Variants in IKZF2 observed in about 807,000 individuals in gnomAD.
The protein encoded by IKZF2 is zinc finger protein Helios.
Under a neutral mutation model 49.2 loss-of-function variants are expected in IKZF2, and 15 were observed. The observed-to-expected ratio is 0.30, with a 90% CI of 0.20 to 0.47. The LOEUF (loss-of-function observed/expected upper bound fraction) is 0.47, where lower values mean the gene tolerates loss of function less well. Among genes scored for constraint, IKZF2 ranks in the 20% least tolerant of loss-of-function variants. The pLI is 1.00. For missense variants in IKZF2, 567 were observed against 664.6 expected (o/e 0.85, Z 1.61); for synonymous variants, 227 against 221.4 (o/e 1.03, Z -0.23).
At chr2:213,020,101 G>A (rs1344071821) in intron 7 of IKZF2, among the ~76,000 whole-genome samples, 2 of 152,100 alleles carry the variant, frequency 1.3e-5, no homozygotes, top group Non-Finnish European at 2.9e-5. Flanking sequence ...ACTGCAATGG[G>A]AGAATATAAT....
chr2:213,094,532 G>A (rs771280778), intron 4 of IKZF2, among the ~76,000 whole-genome samples: 12 of 152,060 alleles, frequency 7.9e-5, no homozygotes, highest in Non-Finnish European at 1.8e-4. Flanking sequence ...GCCTGGGAGA[G>A]AACATCCATG....
In IKZF2 at chr2:213,005,404, C is replaced by T. The variant is rs1695267665; in HGVS notation, c.*1956G>A. ...CTAGTAGAAGAGAGCTGAGTTCTAA[C>T]CATTTTTGCCTAGTTCTAGCTGTGT... On this transcript the variant is annotated 3_prime_UTR_variant, in exon 9 of 9. Transcript: ENST00000434687. 1 of 151,758 alleles carries T rather than the reference C, an allele frequency of 6.6e-6. No individual in the cohort carries two copies. Among genetic ancestry groups the T allele is most frequent in the Admixed American group, 6.6e-5 (1 of 15,194 alleles). The allele number at this position is 151,758 out of a possible 1,614,324, so 9.4% of individuals were successfully genotyped here.
intron 7 of IKZF2, among the ~76,000 whole-genome samples, chr2:213,019,151 C>T (rs1284633813): frequency 6.6e-6 from 1 of 151,908 alleles, no homozygotes. Flanking sequence ...TTAAAAAATT[C>T]CATACTAGAA....
At chr2:213,031,145 T>G (rs527789139) in intron 6 of IKZF2, among the ~76,000 whole-genome samples, 1 of 152,204 alleles carries the variant, frequency 6.6e-6, no homozygotes, top group African/African-American at 2.4e-5. Context: ...CTGTTTACTC[T>G]TCTTTAACAG....
chr2:213,101,471 A>C (rs1275726161), intron 4 of IKZF2, among the ~76,000 whole-genome samples: 2 of 152,084 alleles, frequency 1.3e-5, no homozygotes, highest in African/African-American at 4.8e-5. Context: ...ACTAGGAAAG[A>C]ATTATGATAT....
At chr2:213,061,659 T>C (rs1701708023) in intron 4 of IKZF2, among the ~76,000 whole-genome samples, 1 of 151,486 alleles carries the variant, frequency 6.6e-6, no homozygotes, top group African/African-American at 2.4e-5. Flanking sequence ...TAAAAAATCA[T>C]TAAACCAGTA....
chr2:213,152,091 C>T (rs991827054), upstream of IKZF2: 1 of 152,092 alleles, frequency 6.6e-6, no homozygotes, highest in African/African-American at 2.4e-5. Flanking sequence ...CACGGCGACC[C>T]CCATCTCCCC....
At chr2:213,072,847 G>A (rs1392135046) in intron 4 of IKZF2, among the ~76,000 whole-genome samples, 3 of 152,020 alleles carry the variant, frequency 2.0e-5, no homozygotes, top group Non-Finnish European at 2.9e-5. Context: ...ACATGAACAC[G>A]AAATCTAAGG....
intron 6 of IKZF2, among the ~76,000 whole-genome samples, chr2:213,022,504 T>TG (rs386392520): frequency 1.3e-5 from 2 of 151,790 alleles, no homozygotes; most frequent in Non-Finnish European, 2.9e-5. Context: ...GTGGTTTTTT[T>TG]TTGTTTGTTT....
rs536257187 is a variant in IKZF2 at position 213,001,434 on chromosome 2, A to G, written c.*5926T>C. 6.6e-6 allele frequency: 1 copy of G among 152,038 alleles called. No homozygotes were observed. Among genetic ancestry groups the G allele is most frequent in the South Asian group, 2.1e-4 (1 of 4,830 alleles). 9.4% of individuals were successfully genotyped at this position (152,038 alleles called of 1,614,324 possible). ...AAAATCCAACAATAAAGGAAAGCAA[A>G]CATACTATAATAGGATTACATAATC... is the stretch of plus-strand genomic sequence containing the variant. On this transcript the variant is annotated 3_prime_UTR_variant, in exon 9 of 9. Transcript: ENST00000434687.
At chr2:213,038,144 T>G (rs1038209166) in intron 6 of IKZF2, among the ~76,000 whole-genome samples, 1 of 152,040 alleles carries the variant, frequency 6.6e-6, no homozygotes, top group Non-Finnish European at 1.5e-5. Context: ...CACTACAAGC[T>G]CCGCCTCCCA....
chr2:213,060,925 T>C (rs1574673633), intron 4 of IKZF2, among the ~76,000 whole-genome samples: 2 of 151,686 alleles, frequency 1.3e-5, no homozygotes, highest in East Asian at 3.9e-4. Flanking sequence ...GCTTTGAAGA[T>C]ATTTCATGAT....
intron 4 of IKZF2, among the ~76,000 whole-genome samples, chr2:213,127,067 A>C (rs747217553): frequency 5.9e-5 from 9 of 152,212 alleles, no homozygotes; most frequent in Non-Finnish European, 1.3e-4. Flanking sequence ...GCAGCTACTT[A>C]CATCAAATGC....
chr2:213,070,841 G>T (rs1289856470), intron 4 of IKZF2, among the ~76,000 whole-genome samples: 2 of 152,068 alleles, frequency 1.3e-5, no homozygotes, highest in Admixed American at 6.6e-5. Context: ...AAGGTTTAAG[G>T]CCCTTAAAGG....
At chr2:213,011,780 T>C (rs1559160044) in intron 8 of IKZF2, among the ~76,000 whole-genome samples, 1 of 142,152 alleles carries the variant, frequency 7.0e-6, no homozygotes, top group Non-Finnish European at 1.6e-5. Flanking sequence ...GCCTGTGGAA[T>C]TTTCTCCAAA....
At chr2:213,034,998 A>T (rs1052634548) in intron 6 of IKZF2, among the ~76,000 whole-genome samples, 2 of 152,226 alleles carry the variant, frequency 1.3e-5, no homozygotes, top group Non-Finnish European at 2.9e-5. Context: ...AAAATAATCA[A>T]TTCAGAAGCA....
chr2:213,053,453 C>T (rs1700862187), intron 5 of IKZF2, among the ~76,000 whole-genome samples: 1 of 152,082 alleles, frequency 6.6e-6, no homozygotes, highest in Non-Finnish European at 1.5e-5. Flanking sequence ...AATTAAAATG[C>T]AAATATATAT....
chr2:213,075,174 C>A (rs1047903822), intron 4 of IKZF2, among the ~76,000 whole-genome samples: 2 of 152,116 alleles, frequency 1.3e-5, no homozygotes, highest in South Asian at 2.1e-4. Flanking sequence ...CAACACATGT[C>A]CCATTCCCAT....
At chr2:213,150,714 C>A (rs996266721) in intron 1 of IKZF2, among the ~76,000 whole-genome samples, 1 of 24,772 alleles carries the variant, frequency 4.0e-5, no homozygotes, top group Non-Finnish European at 8.3e-5. Context: ...GGGGGGGGGG[C>A]GGGTAGAGGG....
Sources: gnomAD v4.1 joint callset for allele counts (sites outside exome capture counted in the v4.1 genomes callset) on GRCh38, gnomAD v4.1.1 for gene constraint, MANE v1.5 for transcripts, NCBI Gene and HGNC (gene_info 2026-07-23, HGNC 2026-07-21) for gene names.